The following SORCS1 variants were observed in gnomAD, a reference collection of about 807,000 sequenced individuals.
SORCS1 encodes the protein sortilin related VPS10 domain containing receptor 1.
Under a neutral mutation model 146.1 loss-of-function variants are expected in SORCS1, and 60 were observed. The observed-to-expected ratio is 0.41, with a 90% CI of 0.33 to 0.51. The LOEUF (loss-of-function observed/expected upper bound fraction) is 0.51, where lower values mean the gene tolerates loss of function less well. Among genes scored for constraint, SORCS1 ranks in the 20% least tolerant of loss-of-function variants. SORCS1 has a pLI of 0.21. For missense variants in SORCS1, 1,352 were observed against 1,487.6 expected (o/e 0.91, Z 1.50); for synonymous variants, 637 against 584.0 (o/e 1.09, Z -1.31).
the SORCS1 span, among the ~76,000 whole-genome samples, chr10:107,179,337 A>T: frequency 6.6e-6 from 1 of 152,228 alleles, no homozygotes; most frequent in African/African-American, 2.4e-5. Flanking sequence ...AGCCTGATGT[A>T]ATCATTCCAC....
At chr10:107,042,463 G>A (rs1268706525) in intron 1 of SORCS1, among the ~76,000 whole-genome samples, 1 of 152,114 alleles carries the variant, frequency 6.6e-6, no homozygotes, top group Non-Finnish European at 1.5e-5. Context: ...GGATCTGTTG[G>A]GTAGTGACTA....
At chr10:106,863,204 C>T (rs1107172) in intron 2 of SORCS1, among the ~76,000 whole-genome samples, 44,575 of 151,912 alleles carry the variant, frequency 0.29, 7,762 homozygotes, top group Non-Finnish European at 0.39. Flanking sequence ...TCTAAGAGAA[C>T]ATTAAAAATA....
intron 18 of SORCS1, among the ~76,000 whole-genome samples, chr10:106,643,795 G>T (rs1184719141): frequency 6.6e-6 from 1 of 152,220 alleles, no homozygotes; most frequent in African/African-American, 2.4e-5. Flanking sequence ...AAGCAGAGTT[G>T]AACAGATGAG....
chr10:106,693,653 C>T (rs1853468556), intron 9 of SORCS1, among the ~76,000 whole-genome samples: 1 of 152,114 alleles, frequency 6.6e-6, no homozygotes, highest in South Asian at 2.1e-4. Flanking sequence ...GCTGAGAATT[C>T]CTATTTCTTT....
intron 4 of SORCS1, among the ~76,000 whole-genome samples, chr10:106,764,031 G>T (rs55790294): frequency 0.042 from 6,419 of 152,180 alleles, 416 homozygotes; most frequent in African/African-American, 0.14. Context: ...GAGAACACAG[G>T]TTTCACAATT....
chr10:107,162,231 C>T (rs1005451151), intron 1 of SORCS1, among the ~76,000 whole-genome samples: 4 of 152,124 alleles, frequency 2.6e-5, no homozygotes, highest in Admixed American at 2.6e-4. Flanking sequence ...TATTTTACAG[C>T]TTGAATTACA....
chr10:106,973,539 G>T lies in SORCS1; in HGVS notation c.559-16959C>A, dbSNP rs547032495. ...CAACATGGAATAAGACTGCAAGGGG[G>T]TCTTGTAGGTGACTCACAGAGCCCC... On this transcript the variant is annotated intron_variant, in intron 1 of 25. Coordinates refer to ENST00000263054, the MANE Select transcript of SORCS1 (RefSeq NM_052918.5). Among the ~76,000 whole-genome samples the T allele has an allele frequency of 2.6e-5, 4 of 152,306 alleles. No individual in the cohort carries two copies. The East Asian group carries it at 5.8e-4, about 22-fold the overall frequency.
At chr10:106,621,514 T>C (rs1847743405) in intron 19 of SORCS1, among the ~76,000 whole-genome samples, 1 of 151,660 alleles carries the variant, frequency 6.6e-6, no homozygotes, top group Non-Finnish European at 1.5e-5. Flanking sequence ...ACTTTTCTAC[T>C]AGGCAACACC....
chr10:106,635,466 T>C (rs1252148244), intron 18 of SORCS1, among the ~76,000 whole-genome samples: 1 of 152,126 alleles, frequency 6.6e-6, no homozygotes, highest in East Asian at 1.9e-4. Flanking sequence ...TTTGTGCGAG[T>C]ACAGAGAAAG....
chr10:107,097,305 G>T (rs568042709), intron 1 of SORCS1, among the ~76,000 whole-genome samples: 8 of 152,268 alleles, frequency 5.3e-5, no homozygotes, highest in East Asian at 1.9e-4. Context: ...TTTCTTTGTT[G>T]CATGCTTTTA....
chr10:107,129,674 C>A (rs1468311101), intron 1 of SORCS1, among the ~76,000 whole-genome samples: 1 of 152,184 alleles, frequency 6.6e-6, no homozygotes, highest in Non-Finnish European at 1.5e-5. Context: ...CCAAAGGCTT[C>A]TTCGAAACAA....
chr10:106,805,485 G>A (rs1323608768), intron 3 of SORCS1, among the ~76,000 whole-genome samples: 1 of 152,094 alleles, frequency 6.6e-6, no homozygotes, highest in Non-Finnish European at 1.5e-5. Flanking sequence ...TAAGTAGAAA[G>A]GACCTCATGA....
At chr10:107,163,706 C>G (rs1182163493) in intron 1 of SORCS1, among the ~76,000 whole-genome samples, 1 of 152,056 alleles carries the variant, frequency 6.6e-6, no homozygotes, top group East Asian at 1.9e-4. Flanking sequence ...CCAATGCGAC[C>G]AAGGCAACAG....
At position 107,164,422 on chromosome 10, in the gene SORCS1, G is replaced by A. The variant is rs1351914154; in HGVS notation, c.105C>T (p.Gly35=). Residue 35 remains glycine, a synonymous_variant, in exon 1 of 26, where the codon GGC becomes GGT. Coordinates refer to ENST00000263054, the MANE Select transcript of SORCS1 (RefSeq NM_052918.5). This position sits in a 1 kb window ranked among gnomAD's most constrained non-coding sequence, Gnocchi z 6.8. The part of the protein sequence containing the change: ...ILCAPGVCGG[G]SCCPSPHPSS... ...TGGGGTGCGGCGAGGGGCAGCAGGA[G>A]CCGCCGCCGCAGACGCCCGGGGCGC... 1 of 1,410,480 alleles carries A rather than the reference G, an allele frequency of 7.1e-7. No homozygotes were observed. The highest frequency in any genetic ancestry group is 9.2e-7 in the Non-Finnish European group (1 of 1,087,638). The allele number at this position is 1,410,480 out of a possible 1,614,324, so 87.4% of individuals were successfully genotyped here.
At chr10:106,990,018 GT>G (rs1956701437) in intron 1 of SORCS1, among the ~76,000 whole-genome samples, 1 of 151,892 alleles carries the variant, frequency 6.6e-6, no homozygotes, top group Non-Finnish European at 1.5e-5. Flanking sequence ...CCTGATTCAT[GT>G]TGCTGTTAAT....
intron 5 of SORCS1, among the ~76,000 whole-genome samples, chr10:106,751,727 CTAATT>C (rs1309628484): frequency 3.3e-5 from 5 of 152,282 alleles, no homozygotes; most frequent in African/African-American, 1.2e-4. Flanking sequence ...CTATAGCTCT[CTAATT>C]TAACTAATGA....
rs145423240 is a variant in SORCS1, at chr10:107,145,361, C to T, written c.558+18608G>A. ...AGCAACTTCTGGGAAGGAAACATTTCGTCAGTCATCCCAGACTGGCAGATT... is the reference window on the plus strand; with the variant it reads ...AGCAACTTCTGGGAAGGAAACATTTTGTCAGTCATCCCAGACTGGCAGATT... On this transcript the variant is annotated intron_variant, in intron 1 of 25. Coordinates refer to ENST00000263054, the MANE Select transcript of SORCS1 (RefSeq NM_052918.5). Among the ~76,000 whole-genome samples the T allele has an allele frequency of 6.8e-4, 104 of 152,284 alleles. No homozygotes were observed. In the East Asian group the frequency reaches 0.019, roughly 28 times the overall value.
Position 107,164,657 on chromosome 10 carries a change from G to T in SORCS1, c.-131C>A. The T allele has an allele frequency of 2.9e-6, 2 of 701,368 alleles. No individual in the cohort carries two copies. Among genetic ancestry groups the T allele is most frequent in the Non-Finnish European group, 4.0e-6 (2 of 502,032 alleles). The allele number at this position is 701,368 out of a possible 1,614,324, so 43.4% of individuals were successfully genotyped here. ...CCAAGTTGCGCCGCGGTGGGGGCGG[G>T]CGGAGGCGGCGCCGGGCAGGTGGCG... On this transcript the variant is annotated 5_prime_UTR_variant, in exon 1 of 26. Transcript: ENST00000263054. The surrounding 1 kb of genome is among the most constrained non-coding windows in gnomAD (Gnocchi z 6.8).
At chr10:106,620,695 T>C in intron 19 of SORCS1, 134 bp from the exon 20 acceptor site, 1 of 1,074,738 alleles carries the variant, frequency 9.3e-7, no homozygotes, top group Non-Finnish European at 1.3e-6. Context: ...AAAGAAGTGT[T>C]CAGATGCTTT....
Sources: gnomAD v4.1 joint callset for allele counts (sites outside exome capture counted in the v4.1 genomes callset) on GRCh38, gnomAD v4.1.1 for gene constraint, Gnocchi (gnomAD v3.1) non-coding constraint, MANE v1.5 for transcripts, NCBI Gene and HGNC (gene_info 2026-07-23, HGNC 2026-07-21) for gene names.